The following ESR1 variants were observed in gnomAD, a reference collection of about 807,000 sequenced individuals.
ESR1 encodes estrogen receptor.
Under a neutral mutation model 52.7 loss-of-function variants are expected in ESR1, and 12 were observed. The ratio of observed to expected loss-of-function variants is 0.23; its 90% confidence interval spans 0.15 to 0.37. The LOEUF (loss-of-function observed/expected upper bound fraction) is 0.37. ESR1 is among the 10% of genes least tolerant of loss of function. The pLI, the probability that ESR1 is intolerant of heterozygous loss-of-function variation, is 1.00. For synonymous variants in ESR1, 305 were observed against 316.8 expected, an observed-to-expected ratio of 0.96 and a Z score of 0.39; for missense variants, 584 against 779.7, an observed-to-expected ratio of 0.75 and a Z score of 2.99.
intron 4 of ESR1, among the ~76,000 whole-genome samples, chr6:151,954,870 A>G (rs2036725956): frequency 6.6e-6 from 1 of 152,190 alleles, no homozygotes; most frequent in South Asian, 2.1e-4. Flanking sequence ...ATATAACCTG[A>G]AAAATATGTT....
chr6:151,738,580 C>T (rs1453095114), intron 2 of ESR1, among the ~76,000 whole-genome samples: 1 of 152,094 alleles, frequency 6.6e-6, no homozygotes, highest in African/African-American at 2.4e-5. Context: ...GCATGAGGAT[C>T]AATTGTTCTG....
chr6:151,909,362 G>A (rs1200820334), intron 3 of ESR1, among the ~76,000 whole-genome samples: 1 of 152,238 alleles, frequency 6.6e-6, no homozygotes, highest in African/African-American at 2.4e-5. Context: ...CCAAGGAAGA[G>A]AATCTGCTGA....
At chr6:151,747,620 A>G (rs1783581058) in intron 2 of ESR1, among the ~76,000 whole-genome samples, 1 of 152,192 alleles carries the variant, frequency 6.6e-6, no homozygotes, top group Admixed American at 6.5e-5. Context: ...TTAAAGTACA[A>G]AGCTCAGTGG....
At chr6:151,657,199 A>G (rs1044903573) in intron 1 of ESR1, among the ~76,000 whole-genome samples, 1 of 152,326 alleles carries the variant, frequency 6.6e-6, no homozygotes, top group South Asian at 2.1e-4. Flanking sequence ...GCAGTTGTAG[A>G]GAAATTTAAT....
Position 151,755,995 on chromosome 6 carries a change from C to T in ESR1, c.-70-51848C>T, listed in dbSNP as rs150682935. 3.3e-3 allele frequency among the ~76,000 whole-genome samples: 504 copies of T among 152,208 alleles called. 6 individuals carry two copies. The highest frequency in any genetic ancestry group is 0.011 in the African/African-American group (476 of 41,546). ...TTCAGTAACAGTCAGATCTGCATGG[C>T]CCCCTCCTGACCTTCTGATGTCATG... On this transcript the variant is annotated intron_variant, in intron 2 of 2. Coordinates refer to the ESR1 transcript ENST00000404742.
At chr6:151,760,861 A>C (rs1784608141) in intron 2 of ESR1, among the ~76,000 whole-genome samples, 1 of 152,220 alleles carries the variant, frequency 6.6e-6, no homozygotes, top group African/African-American at 2.4e-5. Context: ...TTCAGAAAAT[A>C]ATGGATCGAT....
chr6:151,808,325 G>C lies in ESR1; in HGVS notation c.413G>C (p.Gly138Ala). ...VPYYLENEPS[G>A]YTVREAGPPA... ...TACTACCTGGAGAACGAGCCCAGCG[G>C]CTACACGGTGCGCGAGGCCGGCCCG... Residue 138 changes from glycine (G) to alanine (A), a missense_variant, in exon 1 of 8, where the codon GGC becomes GCC. By Grantham distance (60) the Gly-to-Ala change is moderately conservative. This residue lies in a region of ESR1 where 251 missense variants were observed against 246.1 expected (regional missense o/e 1.02). Transcript: ENST00000206249. The C allele has an allele frequency of 1.3e-6, 2 of 1,547,116 alleles. No individual in the cohort carries two copies. Among genetic ancestry groups the C allele is most frequent in the East Asian group, 2.3e-5 (1 of 43,348 alleles).
At chr6:151,790,017 G>A (rs2128130741) in intron 2 of ESR1, among the ~76,000 whole-genome samples, 1 of 152,274 alleles carries the variant, frequency 6.6e-6, no homozygotes, top group South Asian at 2.1e-4. Flanking sequence ...CCTCATTTAT[G>A]GGCTCTTCGG....
chr6:151,808,360 T>A lies in ESR1; in HGVS notation c.448T>A (p.Tyr150Asn), dbSNP rs1009859707. ...GCGCGAGGCCGGCCCGCCGGCATTC[T>A]ACAGGTACCCGCGCCCGCGCCGCCC... Reference protein sequence around the residue: ...TVREAGPPAFYRPNSDNRRQG... With the variant: ...TVREAGPPAFNRPNSDNRRQG... Residue 150 changes from tyrosine (Y) to asparagine (N), a missense_variant, in exon 1 of 8, where the codon TAC (tyrosine) becomes AAC (asparagine). Transcript: ENST00000206249. The A allele has an allele frequency of 4.8e-6, 6 of 1,256,258 alleles. No homozygotes were observed. The highest frequency in any genetic ancestry group is 6.1e-6 in the Non-Finnish European group (6 of 976,708). The allele number at this position is 1,256,258 out of a possible 1,614,324, so 77.8% of individuals were successfully genotyped here. A position where few individuals can be genotyped will look rare whatever the true frequency, so the allele number is the denominator to read the frequency against.
rs545031871 is a variant in ESR1, at chr6:151,700,266, C to CT, written c.-201-1602dup. 4.1e-3 allele frequency among the ~76,000 whole-genome samples: 621 copies of CT among 152,134 alleles called. 23 individuals carry two copies. The highest frequency in any genetic ancestry group is 3.7e-4 in the Non-Finnish European group (25 of 67,986). On this transcript the variant is annotated intron_variant, in intron 1 of 2. Coordinates refer to the ESR1 transcript ENST00000404742. Reference sequence around the variant, plus strand: ...TCTGACTTACATGGAGAAAACAAGTCTTTTTTTATAGTTTAGTTGAGTGTT... The same window carrying CT: ...TCTGACTTACATGGAGAAAACAAGTCTTTTTTTTATAGTTTAGTTGAGTGTT...
chr6:152,051,659 T>A (rs904066955), intron 5 of ESR1, among the ~76,000 whole-genome samples: 1 of 152,126 alleles, frequency 6.6e-6, no homozygotes, highest in African/African-American at 2.4e-5. Context: ...CAGACCCCAG[T>A]GTTTCTCTGA....
chr6:152,096,566 A>G, intron 7 of ESR1: 1 of 449,540 alleles, frequency 2.2e-6, no homozygotes, highest in Non-Finnish European at 4.5e-6. Flanking sequence ...GAGGGAATGA[A>G]TGGATGAACA....
chr6:152,097,167 CACACACACACAT>C (rs887418936), intron 7 of ESR1, among the ~76,000 whole-genome samples: 3 of 152,038 alleles, frequency 2.0e-5, no homozygotes, highest in African/African-American at 7.2e-5. Context: ...CTCTCTGACA[CACACACACACAT>C]ACACACACAC....
intron 2 of ESR1, among the ~76,000 whole-genome samples, chr6:151,753,566 C>T (rs747232714): frequency 6.6e-6 from 1 of 152,150 alleles, no homozygotes; most frequent in Admixed American, 6.5e-5. Flanking sequence ...GATCCACCCA[C>T]GTTGGCCTCC....
intron 3 of ESR1, among the ~76,000 whole-genome samples, chr6:151,917,695 T>C (rs2030600822): frequency 2.0e-5 from 3 of 152,174 alleles, no homozygotes; most frequent in African/African-American, 7.2e-5. Flanking sequence ...TTCTTGATGC[T>C]CCCTGCCTGG....
At chr6:151,991,813 G>A (rs542814985) in intron 4 of ESR1, among the ~76,000 whole-genome samples, 54 of 152,258 alleles carry the variant, frequency 3.5e-4, no homozygotes, top group African/African-American at 1.3e-3. Flanking sequence ...CAAACCCTGA[G>A]CTTTCTTCCC....
exon 7 of ESR1, chr6:152,127,042 T>G (rs1378195764): frequency 1.3e-5 from 2 of 152,188 alleles, no homozygotes; most frequent in South Asian, 2.1e-4. Context: ...ACCCAGTGTT[T>G]CCTGGATATA....
chr6:151,810,027 T>G (rs752364353), intron 1 of ESR1, among the ~76,000 whole-genome samples: 2 of 152,180 alleles, frequency 1.3e-5, no homozygotes, highest in African/African-American at 2.4e-5. Context: ...TAATTTTCAG[T>G]TCTTTTATTG....
At chr6:151,698,996 A>C (rs1468602668) in intron 1 of ESR1, among the ~76,000 whole-genome samples, 2 of 152,196 alleles carry the variant, frequency 1.3e-5, no homozygotes, top group African/African-American at 4.8e-5. Context: ...AGGAAAGGGA[A>C]AAAAGCAGAA....
Sources: gnomAD v4.1 joint callset for allele counts (sites outside exome capture counted in the v4.1 genomes callset) on GRCh38, gnomAD v4.1.1 for gene constraint, gnomAD v4.1.1 regional missense constraint, MANE v1.5 for transcripts, NCBI Gene and HGNC (gene_info 2026-07-23, HGNC 2026-07-21) for gene names.